The following CCBE1 variants were observed in gnomAD, a reference collection of about 807,000 sequenced individuals.
The protein encoded by CCBE1 is collagen and calcium binding EGF domains 1.
In CCBE1, 37 loss-of-function variants were observed where a neutral mutation model predicts 50.0. The observed-to-expected ratio is 0.74, with a 90% CI of 0.57 to 0.97. The LOEUF (loss-of-function observed/expected upper bound fraction) is 0.97. Ranked by LOEUF, CCBE1 falls within the 50% of genes least tolerant of loss-of-function variation. CCBE1 has a pLI of 0.00. For synonymous variants in CCBE1, 234 were observed against 203.7 expected (o/e 1.15, Z -1.27); for missense variants, 538 against 523.8 (o/e 1.03, Z -0.26).
intron 2 of CCBE1, among the ~76,000 whole-genome samples, chr18:59,565,409 A>T (rs534942805): frequency 1.1e-4 from 12 of 109,342 alleles, no homozygotes; most frequent in African/African-American, 5.6e-4. Context: ...AGCAAGAAAG[A>T]TGTGGTACGA....
chr18:59,602,221 A>T (rs887941003), intron 2 of CCBE1, among the ~76,000 whole-genome samples: 2 of 152,070 alleles, frequency 1.3e-5, no homozygotes, highest in African/African-American at 4.8e-5. Context: ...ATCCTTCTTT[A>T]GGGTGATACA....
At chr18:59,555,679 G>T (rs977052224) in intron 2 of CCBE1, among the ~76,000 whole-genome samples, 1 of 150,022 alleles carries the variant, frequency 6.7e-6, no homozygotes, top group African/African-American at 2.5e-5. Flanking sequence ...GCATAAAAGA[G>T]GGTCAATGTT....
chr18:59,559,688 C>T (rs2052707134), intron 2 of CCBE1, among the ~76,000 whole-genome samples: 1 of 152,198 alleles, frequency 6.6e-6, no homozygotes, highest in South Asian at 2.1e-4. Context: ...TCTACTGGTC[C>T]CTGAACCTAG....
At chr18:59,619,200 T>A (rs955237121) in intron 2 of CCBE1, among the ~76,000 whole-genome samples, 4 of 152,218 alleles carry the variant, frequency 2.6e-5, no homozygotes, top group Non-Finnish European at 5.9e-5. Context: ...AAAATAAAAT[T>A]TTAAAACGTT....
At chr18:59,671,732 C>T (rs2054434293) in intron 2 of CCBE1, among the ~76,000 whole-genome samples, 1 of 145,442 alleles carries the variant, frequency 6.9e-6, no homozygotes, top group African/African-American at 2.6e-5. Context: ...AGCCTGAATA[C>T]AAGCAGTGAA....
At chr18:59,610,373 A>C (rs1225531785) in intron 2 of CCBE1, among the ~76,000 whole-genome samples, 1 of 152,190 alleles carries the variant, frequency 6.6e-6, no homozygotes, top group Non-Finnish European at 1.5e-5. Flanking sequence ...TATAAAGACC[A>C]TTTAACATCA....
intron 2 of CCBE1, among the ~76,000 whole-genome samples, chr18:59,609,877 T>C (rs1298164300): frequency 6.6e-6 from 1 of 152,206 alleles, no homozygotes; most frequent in Non-Finnish European, 1.5e-5. Context: ...TAATATTCAA[T>C]GTGATTGGGC....
chr18:59,464,076 C>T (rs569816441), intron 5 of CCBE1: 5 of 152,326 alleles, frequency 3.3e-5, no homozygotes, highest in Admixed American at 3.3e-4. Flanking sequence ...AGGTAAGTTA[C>T]ACTTGCCTGC....
rs749092882 is a variant in CCBE1 at position 59,439,608 on chromosome 18, C to T, written c.916-30G>A. On this transcript the variant is annotated intron_variant, in intron 8 of 10. Coordinates refer to ENST00000439986, the MANE Select transcript of CCBE1 (RefSeq NM_133459.4). ...AATACAAAAGGATCTGGTTTAACCACAGGCAAAAGCATGGGACAAAAACAC... is the reference window on the plus strand; with the variant it reads ...AATACAAAAGGATCTGGTTTAACCATAGGCAAAAGCATGGGACAAAAACAC... 39 of 1,614,160 alleles carry T rather than the reference C, an allele frequency of 2.4e-5. No individual in the cohort carries two copies. In the Admixed American group the frequency reaches 6.2e-4, roughly 26 times the overall value.
intron 2 of CCBE1, among the ~76,000 whole-genome samples, chr18:59,537,182 C>T (rs1420380135): frequency 1.3e-5 from 2 of 152,054 alleles, no homozygotes; most frequent in African/African-American, 2.4e-5. Context: ...GATCTGTTTT[C>T]AAGACTACCA....
chr18:59,469,648 A>C (rs1911933310), intron 3 of CCBE1, 41 bp from the exon 4 acceptor site: 6 of 1,612,776 alleles, frequency 3.7e-6, no homozygotes, highest in East Asian at 4.5e-5. Flanking sequence ...CTACAGGAGG[A>C]GGCGGAGTAA....
chr18:59,481,391 G>A (rs567495388), intron 2 of CCBE1, among the ~76,000 whole-genome samples: 3 of 152,126 alleles, frequency 2.0e-5, no homozygotes, highest in African/African-American at 7.2e-5. Flanking sequence ...ACAGTAAATG[G>A]AGCAGAAAAA....
At chr18:59,680,559 G>A (rs965573602) in intron 2 of CCBE1, among the ~76,000 whole-genome samples, 1 of 151,790 alleles carries the variant, frequency 6.6e-6, no homozygotes, top group Non-Finnish European at 1.5e-5. Context: ...TTAGCCGGGC[G>A]TGGTGGCGGG....
At chr18:59,459,657 T>C (rs922806736) in intron 5 of CCBE1, among the ~76,000 whole-genome samples, 1 of 152,226 alleles carries the variant, frequency 6.6e-6, no homozygotes, top group Non-Finnish European at 1.5e-5. Flanking sequence ...CAAACAATGT[T>C]CCTGAAATAT....
At chr18:59,575,553 T>G (rs1340037248) in intron 2 of CCBE1, among the ~76,000 whole-genome samples, 1 of 152,214 alleles carries the variant, frequency 6.6e-6, no homozygotes, top group Non-Finnish European at 1.5e-5. Context: ...TAACACAATA[T>G]GATCAATGCT....
At chr18:59,597,723 T>C (rs1056793685) in intron 2 of CCBE1, among the ~76,000 whole-genome samples, 1 of 152,192 alleles carries the variant, frequency 6.6e-6, no homozygotes, top group Non-Finnish European at 1.5e-5. Context: ...ATCTTTGGTC[T>C]CTGCCCACCT....
At chr18:59,618,267 C>G (rs1253002948) in intron 2 of CCBE1, among the ~76,000 whole-genome samples, 1 of 151,902 alleles carries the variant, frequency 6.6e-6, no homozygotes, top group Non-Finnish European at 1.5e-5. Flanking sequence ...TGGGAAACAT[C>G]AGGAGACCCA....
At chr18:59,530,484 C>T (rs1003923243) in intron 2 of CCBE1, among the ~76,000 whole-genome samples, 2 of 152,178 alleles carry the variant, frequency 1.3e-5, no homozygotes, top group African/African-American at 4.8e-5. Flanking sequence ...TTGAACCTCA[C>T]TCTAAAGTTC....
chr18:59,674,482 T>A (rs1303823780), intron 2 of CCBE1, among the ~76,000 whole-genome samples: 3 of 152,028 alleles, frequency 2.0e-5, no homozygotes, highest in Admixed American at 2.0e-4. Context: ...GGTAGGGGGC[T>A]AGGAGAGGGA....
Sources: gnomAD v4.1 joint callset for allele counts (sites outside exome capture counted in the v4.1 genomes callset) on GRCh38, gnomAD v4.1.1 for gene constraint, MANE v1.5 for transcripts, NCBI Gene and HGNC (gene_info 2026-07-23, HGNC 2026-07-21) for gene names.